PCDH9: variants seen among roughly 807,000 people sequenced by gnomAD.
PCDH9 encodes protocadherin-9.
A neutral mutation model predicts 70.6 loss-of-function variants in PCDH9; 24 were observed. The observed-to-expected ratio is 0.34, with a 90% CI of 0.25 to 0.48. The LOEUF (loss-of-function observed/expected upper bound fraction) is 0.48. Among genes scored for constraint, PCDH9 ranks in the 20% least tolerant of loss-of-function variants. PCDH9 has a pLI of 0.99. For missense variants in PCDH9, 1,281 were observed against 1,503.6 expected (o/e 0.85, Z 2.45); for synonymous variants, 562 against 558.5 (o/e 1.01, Z -0.09).
At position 66,351,191 on chromosome 13, in the gene PCDH9, T is replaced by A. The variant is rs576330500; in HGVS notation, c.3341-46163A>T. 5.6e-4 allele frequency among the ~76,000 whole-genome samples: 85 copies of A among 152,302 alleles called. 1 individual carries two copies. Among genetic ancestry groups the A allele is most frequent in the African/African-American group, 2.0e-3 (83 of 41,584 alleles). ...TTTCTACAACCCCATAATTTATGTATAAAAATTATCCTTCCAAGTTTTGGC... is the reference window on the plus strand; with the variant it reads ...TTTCTACAACCCCATAATTTATGTAAAAAAATTATCCTTCCAAGTTTTGGC... On this transcript the variant is annotated intron_variant, in intron 4 of 4. Coordinates refer to ENST00000377865, the MANE Select transcript of PCDH9 (RefSeq NM_203487.3).
intron 4 of PCDH9, among the ~76,000 whole-genome samples, chr13:66,423,447 G>T (rs574682140): frequency 1.3e-5 from 2 of 151,636 alleles, no homozygotes; most frequent in African/African-American, 4.8e-5. Context: ...CTGGCAAACC[G>T]AATCCAGCAG....
intron 2 of PCDH9, among the ~76,000 whole-genome samples, chr13:66,974,372 A>G (rs1234232987): frequency 6.6e-6 from 1 of 151,836 alleles, no homozygotes; most frequent in Non-Finnish European, 1.5e-5. Flanking sequence ...CTCTCAAGTT[A>G]CAACCCCTTT....
At chr13:67,086,989 T>C (rs1288655697) in intron 2 of PCDH9, among the ~76,000 whole-genome samples, 5 of 151,860 alleles carry the variant, frequency 3.3e-5, no homozygotes, top group Non-Finnish European at 7.4e-5. Flanking sequence ...CCTCAGTGTT[T>C]CTGAGGTTGT....
chr13:66,407,680 A>G (rs1957302705), intron 4 of PCDH9, among the ~76,000 whole-genome samples: 1 of 152,166 alleles, frequency 6.6e-6, no homozygotes, highest in Admixed American at 6.5e-5. Flanking sequence ...GCGATCTACA[A>G]TTACCACTAA....
At chr13:66,501,132 C>G (rs969124088) in intron 4 of PCDH9, among the ~76,000 whole-genome samples, 33 of 152,068 alleles carry the variant, frequency 2.2e-4, no homozygotes, top group Admixed American at 1.9e-3. Context: ...AACTTAAGAA[C>G]TGCTAAAAAT....
chr13:67,131,283 C>G (rs191611265), intron 2 of PCDH9, among the ~76,000 whole-genome samples: 2 of 152,160 alleles, frequency 1.3e-5, no homozygotes. Context: ...AAAGAAATGG[C>G]TGTATTAGAC....
chr13:66,467,051 G>A (rs1958526501), intron 4 of PCDH9, among the ~76,000 whole-genome samples: 1 of 151,962 alleles, frequency 6.6e-6, no homozygotes, highest in Non-Finnish European at 1.5e-5. Flanking sequence ...CCCTAACCTG[G>A]AAGAATTCCT....
intron 3 of PCDH9, among the ~76,000 whole-genome samples, chr13:66,759,295 G>A (rs924104282): frequency 6.6e-6 from 1 of 151,814 alleles, no homozygotes; most frequent in Non-Finnish European, 1.5e-5. Context: ...ATTTAATTAA[G>A]TAAAGGTACT....
intron 4 of PCDH9, among the ~76,000 whole-genome samples, chr13:66,481,748 T>C (rs1005873010): frequency 6.6e-6 from 1 of 152,180 alleles, no homozygotes; most frequent in Admixed American, 6.5e-5. Context: ...GTTGTAGATC[T>C]AATTACAAAT....
At chr13:66,631,179 C>G (rs1166474502) in intron 4 of PCDH9, 31 bp downstream of exon 4, 1 of 1,157,902 alleles carries the variant, frequency 8.6e-7, no homozygotes, top group African/African-American at 1.5e-5. Flanking sequence ...CAGAACAACT[C>G]CAAGCAATCA....
At chr13:66,877,093 C>T (rs2081826555) in intron 3 of PCDH9, among the ~76,000 whole-genome samples, 1 of 149,740 alleles carries the variant, frequency 6.7e-6, no homozygotes, top group Middle Eastern at 3.3e-3. Flanking sequence ...AGTCTTTTAA[C>T]CATCAAAAAA....
intron 3 of PCDH9, among the ~76,000 whole-genome samples, chr13:66,807,261 A>G (rs2080425455): frequency 6.6e-6 from 1 of 152,164 alleles, no homozygotes; most frequent in South Asian, 2.1e-4. Flanking sequence ...CCTAAAACAT[A>G]CATCATTCCA....
intron 4 of PCDH9, among the ~76,000 whole-genome samples, chr13:66,609,097 A>G (rs1377192867): frequency 6.6e-6 from 1 of 152,192 alleles, no homozygotes; most frequent in Non-Finnish European, 1.5e-5. Context: ...AATGCTATAC[A>G]TGGAGAAAGG....
intron 3 of PCDH9, among the ~76,000 whole-genome samples, chr13:66,863,878 A>G (rs1346803047): frequency 6.6e-6 from 1 of 152,066 alleles, no homozygotes; most frequent in Non-Finnish European, 1.5e-5. Context: ...TACCCGAGAC[A>G]GGGTAATTTA....
chr13:67,096,273 A>G (rs2086317796), intron 2 of PCDH9, among the ~76,000 whole-genome samples: 1 of 152,214 alleles, frequency 6.6e-6, no homozygotes, highest in Non-Finnish European at 1.5e-5. Context: ...TATTTTAACT[A>G]AATTTTCATA....
chr13:66,712,252 G>A (rs1207778185), intron 3 of PCDH9, among the ~76,000 whole-genome samples: 1 of 151,976 alleles, frequency 6.6e-6, no homozygotes, highest in Non-Finnish European at 1.5e-5. Context: ...AAATTTATAT[G>A]ATGTAATAGA....
chr13:66,499,323 CA>C (rs1959165176), intron 4 of PCDH9, among the ~76,000 whole-genome samples: 1 of 151,864 alleles, frequency 6.6e-6, no homozygotes, highest in African/African-American at 2.4e-5. Context: ...CTATATATAA[CA>C]AATAAATTTC....
At chr13:66,803,260 A>G (rs1321402763) in intron 3 of PCDH9, among the ~76,000 whole-genome samples, 1 of 152,162 alleles carries the variant, frequency 6.6e-6, no homozygotes, top group Non-Finnish European at 1.5e-5. Context: ...TGCAATTCCA[A>G]ATACAGTAAA....
intron 3 of PCDH9, among the ~76,000 whole-genome samples, chr13:66,830,389 C>T (rs1244646774): frequency 6.6e-6 from 1 of 152,048 alleles, no homozygotes; most frequent in Non-Finnish European, 1.5e-5. Context: ...ACAAGCAGGT[C>T]ACACTAAATT....
Sources: gnomAD v4.1 joint callset for allele counts (sites outside exome capture counted in the v4.1 genomes callset) on GRCh38, gnomAD v4.1.1 for gene constraint, MANE v1.5 for transcripts, NCBI Gene and HGNC (gene_info 2026-07-23, HGNC 2026-07-21) for gene names.